ABTB2: variants seen among roughly 807,000 people sequenced by gnomAD.
ABTB2 encodes the protein ankyrin repeat and BTB/POZ domain-containing protein 2.
A neutral mutation model predicts 104.1 loss-of-function variants in ABTB2; 56 were observed. The ratio of observed to expected loss-of-function variants is 0.54; its 90% CI spans 0.43 to 0.67. The LOEUF is 0.67. Ranked by LOEUF, ABTB2 falls within the 30% of genes least tolerant of loss-of-function variation. ABTB2 has a pLI of 0.00. For synonymous variants in ABTB2, 606 were observed against 608.2 expected (o/e 1.00, Z 0.05); for missense variants, 1,279 against 1,407.7 (o/e 0.91, Z 1.46).
Position 34,154,509 on chromosome 11 carries a change from T to C in ABTB2, c.2767-131A>G. 1.2e-6 allele frequency: 1 copy of C among 847,448 alleles called. No homozygotes were observed. Among genetic ancestry groups the C allele is most frequent in the Non-Finnish European group, 1.9e-6 (1 of 530,628 alleles). The allele number at this position is 847,448 out of a possible 1,614,324, so 52.5% of individuals were successfully genotyped here. A position where few individuals can be genotyped will look rare whatever the true frequency, so the allele number is the denominator to read the frequency against. On this transcript the variant is annotated intron_variant, in intron 15 of 16. Transcript: ENST00000435224. This position sits in a 1 kb window ranked among gnomAD's most constrained non-coding sequence, Gnocchi z 4.9. Reference sequence around the variant, plus strand: ...CTCAGGCCCCACTACCTTCTGATACTCCTGGGCCTAACCATCCCCGCTGGG... The same window carrying C: ...CTCAGGCCCCACTACCTTCTGATACCCCTGGGCCTAACCATCCCCGCTGGG...
Position 34,255,973 on chromosome 11 carries a change from A to C in ABTB2, c.884-51283T>G, listed in dbSNP as rs114524199. On this transcript the variant is annotated intron_variant, in intron 1 of 16. Transcript: ENST00000435224. ...TCCTGATCATTTCCTTTCGGGCATCACTACCCAGCCCAGTTTTCAGGACAT... is the reference window on the plus strand; with the variant it reads ...TCCTGATCATTTCCTTTCGGGCATCCCTACCCAGCCCAGTTTTCAGGACAT... 2.3e-3 allele frequency among the ~76,000 whole-genome samples: 353 copies of C among 152,322 alleles called. 4 individuals are homozygous for C. The highest frequency in any genetic ancestry group is 8.3e-3 in the African/African-American group (344 of 41,566).
intron 1 of ABTB2, among the ~76,000 whole-genome samples, chr11:34,210,465 TA>T (rs1388557840): frequency 1.3e-5 from 2 of 152,170 alleles, no homozygotes; most frequent in African/African-American, 4.8e-5. Flanking sequence ...ACTTTAAATG[TA>T]AAAAAGATGT....
chr11:34,303,088 C>A (rs925358769), intron 1 of ABTB2, among the ~76,000 whole-genome samples: 2 of 152,156 alleles, frequency 1.3e-5, no homozygotes, highest in Non-Finnish European at 1.5e-5. Flanking sequence ...AGGTAGGAAC[C>A]AAATAGACCA....
At chr11:34,210,397 T>G (rs1294225688) in intron 1 of ABTB2, among the ~76,000 whole-genome samples, 1 of 152,238 alleles carries the variant, frequency 6.6e-6, no homozygotes, top group African/African-American at 2.4e-5. Context: ...CTATTTCCTA[T>G]GGTTTAATTT....
chr11:34,181,019 C>G (rs1853019489), intron 3 of ABTB2, among the ~76,000 whole-genome samples: 1 of 152,184 alleles, frequency 6.6e-6, no homozygotes, highest in African/African-American at 2.4e-5. Flanking sequence ...ATTCTTCTGC[C>G]TCAGCCTCCT....
chr11:34,198,998 A>AT (rs1158607018), intron 2 of ABTB2, among the ~76,000 whole-genome samples: 1 of 152,140 alleles, frequency 6.6e-6, no homozygotes, highest in African/African-American at 2.4e-5. Flanking sequence ...CAGTTCATTC[A>AT]TTTACTCAAT....
chr11:34,292,752 T>C, intron 1 of ABTB2, among the ~76,000 whole-genome samples: 1 of 152,054 alleles, frequency 6.6e-6, no homozygotes, highest in East Asian at 1.9e-4. Context: ...CAGGGAGGGC[T>C]GCCTGGAGGA....
Position 34,154,452 on chromosome 11 carries a change from T to C in ABTB2, c.2767-74A>G. On this transcript the variant is annotated intron_variant, in intron 15 of 16. Transcript: ENST00000435224. The surrounding 1 kb of genome is among the most constrained non-coding windows in gnomAD (Gnocchi z 4.9). ...GCCCAGACAGCACCGAACAGAAAGC[T>C]CCCGAGTGCCGTGTGCCCTGCTGCC... 8.8e-7 allele frequency: 1 copy of C among 1,133,196 alleles called. No homozygotes were observed. Among genetic ancestry groups the C allele is most frequent in the Non-Finnish European group, 1.3e-6 (1 of 774,298 alleles). The allele number at this position is 1,133,196 out of a possible 1,614,324, so 70.2% of individuals were successfully genotyped here.
At chr11:34,342,378 C>T (rs959840270) in intron 1 of ABTB2, among the ~76,000 whole-genome samples, 4 of 152,202 alleles carry the variant, frequency 2.6e-5, no homozygotes, top group Non-Finnish European at 4.4e-5. Context: ...GCTTCAGTTC[C>T]TCTTGTCCTC....
At chr11:34,308,526 G>C (rs1017363536) in intron 1 of ABTB2, among the ~76,000 whole-genome samples, 16 of 152,130 alleles carry the variant, frequency 1.1e-4, no homozygotes, top group Admixed American at 5.9e-4. Context: ...CATGGATCTT[G>C]AGTCATCAAG....
At chr11:34,318,487 T>C (rs917845738) in intron 1 of ABTB2, among the ~76,000 whole-genome samples, 13 of 152,150 alleles carry the variant, frequency 8.5e-5, no homozygotes, top group African/African-American at 3.1e-4. Flanking sequence ...GAAAAGTCAT[T>C]CTCAACACTT....
intron 14 of ABTB2, among the ~76,000 whole-genome samples, chr11:34,156,563 G>A (rs559450220): frequency 2.0e-4 from 30 of 148,864 alleles, no homozygotes; most frequent in South Asian, 6.3e-4. Context: ...CGCTCTTGTC[G>A]CCCAGGCTGG....
intron 2 of ABTB2, 143 bp downstream of exon 2, chr11:34,204,401 A>C: frequency 2.0e-6 from 2 of 1,009,900 alleles, no homozygotes; most frequent in East Asian, 2.7e-5. Flanking sequence ...AGAAAGATCT[A>C]GCTTTCAGGG....
intron 3 of ABTB2, among the ~76,000 whole-genome samples, chr11:34,187,071 C>A (rs1009321335): frequency 6.6e-6 from 1 of 152,200 alleles, no homozygotes; most frequent in African/African-American, 2.4e-5. Flanking sequence ...CTCGGACCTC[C>A]TCAAGGCCTC....
chr11:34,293,693 G>GGGGTAA (rs1372599151), intron 1 of ABTB2, among the ~76,000 whole-genome samples: 1 of 152,090 alleles, frequency 6.6e-6, no homozygotes, highest in African/African-American at 2.4e-5. Flanking sequence ...GAGAGAGACT[G>GGGGTAA]GGGTAAGGGT....
At chr11:34,208,649 G>A (rs1305627572) in intron 1 of ABTB2, among the ~76,000 whole-genome samples, 6 of 151,844 alleles carry the variant, frequency 4.0e-5, no homozygotes, top group African/African-American at 7.3e-5. Flanking sequence ...CCCAACCCTT[G>A]AATCTCAGAC....
chr11:34,228,257 G>A (rs867998669), intron 1 of ABTB2, among the ~76,000 whole-genome samples: 5 of 86,726 alleles, frequency 5.8e-5, no homozygotes, highest in Non-Finnish European at 1.0e-4. Context: ...ACAGGGTTTC[G>A]CAATGTTGGC....
intron 9 of ABTB2, among the ~76,000 whole-genome samples, chr11:34,164,384 C>T (rs1408650296): frequency 6.6e-6 from 1 of 150,646 alleles, no homozygotes; most frequent in Admixed American, 6.6e-5. Flanking sequence ...CAATGTGGTC[C>T]TGAGTGGGCT....
At chr11:34,279,025 A>G (rs546320116) in intron 1 of ABTB2, among the ~76,000 whole-genome samples, 1 of 152,226 alleles carries the variant, frequency 6.6e-6, no homozygotes, top group Non-Finnish European at 1.5e-5. Context: ...ATGCAGCTCC[A>G]TGGGTATAAT....
Sources: allele counts gnomAD v4.1 joint callset (sites outside exome capture counted in the v4.1 genomes callset), GRCh38; gene constraint gnomAD v4.1.1; non-coding constraint Gnocchi (gnomAD v3.1); transcripts MANE v1.5; gene names NCBI Gene and HGNC (gene_info 2026-07-23, HGNC 2026-07-21).